Variants in DLC1 observed in about 807,000 individuals in gnomAD.
DLC1 encodes the protein DLC1 Rho GTPase activating protein, also known as rho GTPase-activating protein 7.
A neutral mutation model predicts 140.3 loss-of-function variants in DLC1; 54 were observed. That is an observed-to-expected ratio of 0.38 (90% CI 0.31 to 0.48). The LOEUF (loss-of-function observed/expected upper bound fraction) is 0.48, where lower values mean the gene tolerates loss of function less well. DLC1 is among the 20% of genes least tolerant of loss of function. The pLI is 0.96. For missense variants in DLC1, 2,536 were observed against 1,907.0 expected (o/e 1.33, Z -6.14); for synonymous variants, 986 against 728.1 (o/e 1.35, Z -5.70).
chr8:13,593,733 G>A (rs1043967750), intron 1 of DLC1, among the ~76,000 whole-genome samples: 3 of 152,162 alleles, frequency 2.0e-5, no homozygotes, highest in Admixed American at 6.6e-5. Flanking sequence ...TTTTGAAGAG[G>A]AAAGACATAT....
At position 13,211,593 on chromosome 8, in the gene DLC1, A is replaced by G. The variant is rs62494904; in HGVS notation, c.1348+93676T>C. Among the ~76,000 whole-genome samples the G allele has an allele frequency of 9.7e-3, 1,477 of 152,268 alleles. 21 individuals carry two copies. The highest frequency in any genetic ancestry group is 0.044 in the South Asian group (210 of 4,826). On this transcript the variant is annotated intron_variant, in intron 5 of 17. Coordinates refer to ENST00000276297, the MANE Select transcript of DLC1 (RefSeq NM_182643.3). Reference sequence around the variant, plus strand: ...CTTCTGTAGGGAACTTTTGAGGTAAATATTGGTCTCTTTCTAAAACTCCTT... The same window carrying G: ...CTTCTGTAGGGAACTTTTGAGGTAAGTATTGGTCTCTTTCTAAAACTCCTT...
chr8:13,436,870 C>T (rs1221665583), intron 2 of DLC1, among the ~76,000 whole-genome samples: 1 of 152,024 alleles, frequency 6.6e-6, no homozygotes, highest in East Asian at 1.9e-4. Context: ...AAATATGATG[C>T]CCTGTCTAAT....
chr8:13,442,556 A>G (rs1008705829), intron 2 of DLC1, among the ~76,000 whole-genome samples: 1 of 152,250 alleles, frequency 6.6e-6, no homozygotes, highest in African/African-American at 2.4e-5. Context: ...ATGTGAACAG[A>G]CACTTCTCAA....
chr8:13,396,058 C>CTTTTTTTTTTTTT (rs1458503033), intron 3 of DLC1, among the ~76,000 whole-genome samples: 1 of 133,364 alleles, frequency 7.5e-6, no homozygotes, highest in Admixed American at 7.5e-5. Flanking sequence ...AATTTCTTTT[C>CTTTTTTTTTTTTT]TTTCTTTTTT....
chr8:13,395,496 C>T (rs1196871098), intron 3 of DLC1, among the ~76,000 whole-genome samples: 2 of 152,146 alleles, frequency 1.3e-5, no homozygotes, highest in East Asian at 3.9e-4. Flanking sequence ...GTCTTGTTTA[C>T]TGATGTGTCC....
intron 4 of DLC1, chr8:13,340,328 G>C (rs1389922595): frequency 1.3e-5 from 2 of 152,278 alleles, no homozygotes; most frequent in African/African-American, 4.8e-5. Flanking sequence ...AGCCTCCTGA[G>C]TTGCTGGGAT....
intron 1 of DLC1, among the ~76,000 whole-genome samples, chr8:13,591,561 T>C (rs1358141728): frequency 1.3e-5 from 2 of 152,144 alleles, no homozygotes; most frequent in Non-Finnish European, 2.9e-5. Context: ...TCTTCATAAA[T>C]TACCCAGTCT....
At chr8:13,308,365 T>C (rs1490609474) in intron 4 of DLC1, among the ~76,000 whole-genome samples, 2 of 152,220 alleles carry the variant, frequency 1.3e-5, no homozygotes, top group African/African-American at 4.8e-5. Flanking sequence ...GTAGTATTCC[T>C]AGAATTTTAT....
chr8:13,342,999 A>G (rs911969630), intron 4 of DLC1, among the ~76,000 whole-genome samples: 2 of 152,132 alleles, frequency 1.3e-5, no homozygotes, highest in African/African-American at 4.8e-5. Context: ...GTAATTTCTG[A>G]CTGCTTGAGA....
intron 5 of DLC1, among the ~76,000 whole-genome samples, chr8:13,235,121 G>C (rs146023135): frequency 0.011 from 1,709 of 152,076 alleles, 11 homozygotes; most frequent in South Asian, 0.037. Flanking sequence ...AATAATAAAA[G>C]CACATTTGAA....
chr8:13,161,719 A>G (rs1297035991), intron 5 of DLC1, among the ~76,000 whole-genome samples: 1 of 152,158 alleles, frequency 6.6e-6, no homozygotes, highest in Non-Finnish European at 1.5e-5. Context: ...GAAATGTCTC[A>G]CATCCCTTGG....
At chr8:13,550,308 G>T (rs1006150145) in intron 1 of DLC1, among the ~76,000 whole-genome samples, 25 of 152,052 alleles carry the variant, frequency 1.6e-4, no homozygotes, top group African/African-American at 5.6e-4. Context: ...TGTGAAGAAG[G>T]TCCTTGCTTC....
intron 5 of DLC1, among the ~76,000 whole-genome samples, chr8:13,236,060 C>G (rs979132484): frequency 6.6e-6 from 1 of 151,660 alleles, no homozygotes; most frequent in Non-Finnish European, 1.5e-5. Flanking sequence ...AAATTCTATA[C>G]AAATCTAAAA....
chr8:13,252,223 A>G (rs925516254), intron 5 of DLC1, among the ~76,000 whole-genome samples: 2 of 152,206 alleles, frequency 1.3e-5, no homozygotes, highest in Non-Finnish European at 2.9e-5. Context: ...GTGTCACAAA[A>G]CTAAGACAAA....
chr8:13,409,806 G>C (rs1420838000), intron 2 of DLC1, among the ~76,000 whole-genome samples: 1 of 152,122 alleles, frequency 6.6e-6, no homozygotes, highest in African/African-American at 2.4e-5. Context: ...AATAGCGGCA[G>C]ATTGTCAGTA....
At chr8:13,594,191 T>C (rs550881113) in intron 1 of DLC1, among the ~76,000 whole-genome samples, 42 of 152,166 alleles carry the variant, frequency 2.8e-4, no homozygotes, top group Middle Eastern at 3.4e-3. Flanking sequence ...TCTTTTTATA[T>C]GATAGTGATA....
intron 5 of DLC1, among the ~76,000 whole-genome samples, chr8:13,253,561 T>A (rs1299126728): frequency 6.6e-6 from 1 of 152,230 alleles, no homozygotes; most frequent in East Asian, 1.9e-4. Context: ...TATTTACAAT[T>A]GATTTTATTC....
chr8:13,432,629 A>G (rs1315241379), intron 2 of DLC1, among the ~76,000 whole-genome samples: 1 of 152,204 alleles, frequency 6.6e-6, no homozygotes, highest in East Asian at 1.9e-4. Flanking sequence ...TTCTGCCCAT[A>G]GGAAGAGGAG....
At chr8:13,519,717 C>G (rs1392666691), upstream of DLC1, among the ~76,000 whole-genome samples, 1 of 152,102 alleles carries the variant, frequency 6.6e-6, no homozygotes, top group African/African-American at 2.4e-5. Flanking sequence ...TATCCCACTT[C>G]ACTGAAAATT....
Sources: gnomAD v4.1 joint callset for allele counts (sites outside exome capture counted in the v4.1 genomes callset) on GRCh38, gnomAD v4.1.1 for gene constraint, MANE v1.5 for transcripts, NCBI Gene and HGNC (gene_info 2026-07-23, HGNC 2026-07-21) for gene names.